Variants in CSMD1 observed in about 807,000 individuals in gnomAD.
CSMD1 encodes the protein CUB and sushi domain-containing protein 1.
In CSMD1, 213 loss-of-function variants were observed where a neutral mutation model predicts 417.5. The ratio of observed to expected loss-of-function variants is 0.51; its 90% CI spans 0.46 to 0.57. The LOEUF is 0.57. Ranked by LOEUF, CSMD1 falls within the 20% of genes least tolerant of loss-of-function variation. The pLI is 0.00. For synonymous variants in CSMD1, 2,862 were observed against 1,736.8 expected (o/e 1.65, Z -16.11); for missense variants, 6,923 against 4,529.7 (o/e 1.53, Z -15.17).
chr8:3,219,322 G>A lies in CSMD1; in HGVS notation c.4605C>T (p.Asn1535=), dbSNP rs1381400084. The change falls in exon 29 of 70, where the codon AAC becomes AAT. Residue 1535 remains asparagine, a synonymous_variant. Coordinates refer to ENST00000635120, the MANE Select transcript of CSMD1 (RefSeq NM_033225.6). ...CACTCCGAAATGCCAGAAACAGGCT[G>A]TTTCCGCTACTCTCTATTCTTTCTG... ...QAPERIESSG[N]SLFLAFRSDA... 10 of 1,587,890 alleles carry A rather than the reference G, an allele frequency of 6.3e-6. No individual in the cohort carries two copies. Among genetic ancestry groups the A allele is most frequent in the African/African-American group, 1.3e-5 (1 of 74,484 alleles).
At chr8:4,155,155 A>G (rs1191582640) in intron 3 of CSMD1, among the ~76,000 whole-genome samples, 1 of 152,208 alleles carries the variant, frequency 6.6e-6, no homozygotes, top group African/African-American at 2.4e-5. Context: ...GAGATAAAAG[A>G]GGCACTGACT....
chr8:4,836,603 G>A (rs1446964171), intron 1 of CSMD1, among the ~76,000 whole-genome samples: 3 of 152,198 alleles, frequency 2.0e-5, no homozygotes, highest in Non-Finnish European at 4.4e-5. Context: ...TGCAGTACAA[G>A]CTGTATACTC....
At chr8:4,865,677 G>C (rs562945577) in intron 1 of CSMD1, among the ~76,000 whole-genome samples, 5 of 151,812 alleles carry the variant, frequency 3.3e-5, no homozygotes, top group Admixed American at 1.3e-4. Context: ...ATAATCATTG[G>C]GAGGGGTACT....
In CSMD1 at chr8:4,964,614, G is replaced by GAA. The variant is rs534861607; in HGVS notation, c.85+29716_85+29717dup. Among the ~76,000 whole-genome samples the GAA allele has an allele frequency of 1.0e-3, 155 of 149,864 alleles. 3 individuals carry two copies. The East Asian group carries it at 0.014, about 13-fold the overall frequency. On this transcript the variant is annotated intron_variant, in intron 1 of 69. Transcript: ENST00000635120. Reference sequence around the variant, plus strand: ...AGGACTGGAGTTAATCAATGACCCTGAAGCAGGTGGATCTTCCAAAAATAC... The same window carrying GAA: ...AGGACTGGAGTTAATCAATGACCCTGAAAAGCAGGTGGATCTTCCAAAAATAC...
intron 10 of CSMD1, among the ~76,000 whole-genome samples, chr8:3,511,040 C>T (rs1335707618): frequency 6.6e-6 from 1 of 151,828 alleles, no homozygotes; most frequent in Non-Finnish European, 1.5e-5. Context: ...CCATGGAATA[C>T]TATGCAGCAA....
intron 12 of CSMD1, among the ~76,000 whole-genome samples, chr8:3,444,424 C>T (rs547592308): frequency 2.0e-5 from 3 of 152,242 alleles, no homozygotes; most frequent in African/African-American, 7.2e-5. Context: ...TGAGTTCTTT[C>T]CTAACAATAC....
intron 12 of CSMD1, among the ~76,000 whole-genome samples, chr8:3,455,862 G>T (rs1284056500): frequency 6.6e-6 from 1 of 152,214 alleles, no homozygotes. Flanking sequence ...ATTTAAGTCT[G>T]CAGAGGTTTC....
chr8:4,493,269 C>T (rs1154094), intron 2 of CSMD1, among the ~76,000 whole-genome samples: 2,578 of 152,126 alleles, frequency 0.017, 68 homozygotes, highest in African/African-American at 0.059. Context: ...AATTGTCATT[C>T]TTCCTAAAAG....
intron 5 of CSMD1, among the ~76,000 whole-genome samples, chr8:3,787,197 A>G (rs1252320256): frequency 6.6e-6 from 1 of 152,198 alleles, no homozygotes; most frequent in Non-Finnish European, 1.5e-5. Flanking sequence ...AATGTCCAGA[A>G]TTTTGTATTC....
Position 3,885,202 on chromosome 8 carries a change from T to A in CSMD1, c.818+112701A>T, listed in dbSNP as rs188493872. On this transcript the variant is annotated intron_variant, in intron 5 of 69. Coordinates refer to ENST00000635120, the MANE Select transcript of CSMD1 (RefSeq NM_033225.6). ...AAGAGACATTCACAGATCAGAAAAG[T>A]GGAAGATCCCTTATGGGAGACTATT... Among the ~76,000 whole-genome samples the A allele has an allele frequency of 2.1e-3, 322 of 152,064 alleles. 10 individuals are homozygous for A. Among genetic ancestry groups the A allele is most frequent in the Non-Finnish European group, 2.2e-4 (15 of 68,002 alleles).
rs188957407 is a variant in CSMD1, at chr8:3,275,624, G to A, written c.4153+8520C>T. Among the ~76,000 whole-genome samples, 432 of 152,092 alleles carry A rather than the reference G, an allele frequency of 2.8e-3. 5 individuals are homozygous for A. The highest frequency in any genetic ancestry group is 9.8e-3 in the African/African-American group (405 of 41,518). ...CCCATATTTCTTGGAGGCTTTGCTCGTTTCTTTTTATTCTTTTTTCTCTAA... is the reference window on the plus strand; with the variant it reads ...CCCATATTTCTTGGAGGCTTTGCTCATTTCTTTTTATTCTTTTTTCTCTAA... On this transcript the variant is annotated intron_variant, in intron 26 of 69. Coordinates refer to ENST00000635120, the MANE Select transcript of CSMD1 (RefSeq NM_033225.6).
At chr8:4,415,010 A>T (rs1276718426) in intron 3 of CSMD1, among the ~76,000 whole-genome samples, 1 of 152,214 alleles carries the variant, frequency 6.6e-6, no homozygotes, top group Non-Finnish European at 1.5e-5. Flanking sequence ...GTCACATAGA[A>T]GCATAGGCAA....
chr8:4,118,499 C>A (rs1465693244), intron 3 of CSMD1, among the ~76,000 whole-genome samples: 3 of 151,080 alleles, frequency 2.0e-5, no homozygotes, highest in Admixed American at 1.3e-4. Context: ...AAAAGCTCAT[C>A]ATCACTGGTC....
chr8:3,898,329 G>C (rs1049451408), intron 5 of CSMD1, among the ~76,000 whole-genome samples: 1 of 151,724 alleles, frequency 6.6e-6, no homozygotes, highest in African/African-American at 2.4e-5. Flanking sequence ...CTGATGTTAT[G>C]TGAGCTATGT....
At position 4,884,205 on chromosome 8, in the gene CSMD1, G is replaced by C. The variant is rs182225170; in HGVS notation, c.85+110127C>G. ...TTTATTATTGAGCTGTAAGAACTTC[G>C]TGTGTGTGTGTGTGTGTACACACAC... On this transcript the variant is annotated intron_variant, in intron 1 of 69. Coordinates refer to ENST00000635120, the MANE Select transcript of CSMD1 (RefSeq NM_033225.6). 3.4e-3 allele frequency among the ~76,000 whole-genome samples: 507 copies of C among 147,448 alleles called. 4 individuals are homozygous for C. The highest frequency in any genetic ancestry group is 0.012 in the African/African-American group (479 of 39,932).
intron 10 of CSMD1, among the ~76,000 whole-genome samples, chr8:3,506,465 C>G (rs945625024): frequency 6.6e-6 from 1 of 152,122 alleles, no homozygotes; most frequent in African/African-American, 2.4e-5. Context: ...TGGTCATGGC[C>G]AGAAAGGGGG....
chr8:4,705,525 A>G (rs1315521268), intron 1 of CSMD1, among the ~76,000 whole-genome samples: 3 of 152,198 alleles, frequency 2.0e-5, no homozygotes, highest in Non-Finnish European at 4.4e-5. Context: ...CACAGCCTTT[A>G]TCTCTTTACC....
chr8:4,519,349 TA>T (rs1327907855), intron 2 of CSMD1, among the ~76,000 whole-genome samples: 1 of 151,788 alleles, frequency 6.6e-6, no homozygotes, highest in East Asian at 1.9e-4. Context: ...ATAAAAATGA[TA>T]AAAAAGAAAA....
At chr8:3,331,831 A>C (rs1806917359) in intron 23 of CSMD1, among the ~76,000 whole-genome samples, 1 of 152,188 alleles carries the variant, frequency 6.6e-6, no homozygotes, top group South Asian at 2.1e-4. Context: ...TTTATGTGTA[A>C]ACTTGATTCA....
Sources: gnomAD v4.1 joint callset for allele counts (sites outside exome capture counted in the v4.1 genomes callset) on GRCh38, gnomAD v4.1.1 for gene constraint, MANE v1.5 for transcripts, NCBI Gene and HGNC (gene_info 2026-07-23, HGNC 2026-07-21) for gene names.